The following UBE2E2 variants were observed in gnomAD, a reference collection of about 807,000 sequenced individuals.
UBE2E2 encodes the protein ubiquitin-conjugating enzyme E2 E2.
Under a neutral mutation model 24.7 loss-of-function variants are expected in UBE2E2, and 6 were observed. The ratio of observed to expected loss-of-function variants is 0.24; its 90% CI spans 0.13 to 0.48. The LOEUF is 0.48. UBE2E2 is among the 20% of genes least tolerant of loss of function. The probability of loss-of-function intolerance (pLI) is 0.99; values close to 1 mark genes in which losing one functional copy is unlikely to be tolerated. For synonymous variants in UBE2E2, 104 were observed against 83.6 expected, an observed-to-expected ratio of 1.24 and a Z score of -1.33; for missense variants, 169 against 245.0, an observed-to-expected ratio of 0.69 and a Z score of 2.07.
chr3:23,331,690 T>C (rs2125301319), intron 3 of UBE2E2, among the ~76,000 whole-genome samples: 1 of 151,960 alleles, frequency 6.6e-6, no homozygotes, highest in Middle Eastern at 3.4e-3. Context: ...TTAGAGTGAC[T>C]GGAGAGGAGT....
rs974651374 is a variant in UBE2E2 at position 23,299,648 on chromosome 3, G to A, written c.227+82336G>A. Among the ~76,000 whole-genome samples, 5 of 152,154 alleles carry A rather than the reference G, an allele frequency of 3.3e-5. 1 individual carries two copies. Among genetic ancestry groups the A allele is most frequent in the African/African-American group, 4.8e-5 (2 of 41,526 alleles). ...GTTTGATTGCACTGTGGTCTGAGAG[G>A]CAGTTTGTTGTAATTTCTGTTCTTT... On this transcript the variant is annotated intron_variant, in intron 3 of 5. Coordinates refer to ENST00000396703, the MANE Select transcript of UBE2E2 (RefSeq NM_152653.4).
rs1695911602 is a variant in UBE2E2, at chr3:23,560,890, C to T, written c.508+28189C>T. On this transcript the variant is annotated intron_variant, in intron 5 of 5. Coordinates refer to ENST00000396703, the MANE Select transcript of UBE2E2 (RefSeq NM_152653.4). ...TCTTTTGAGAAGTGTCTGTTCATAT[C>T]CTTTGCCCACTTTTTGATGGGGTTG... is the stretch of plus-strand genomic sequence containing the variant. Among the ~76,000 whole-genome samples the T allele has an allele frequency of 4.6e-5, 7 of 152,190 alleles. No homozygotes were observed. The South Asian group carries it at 1.5e-3, about 32-fold the overall frequency.
chr3:23,497,364 G>A (rs576212590), intron 3 of UBE2E2, among the ~76,000 whole-genome samples: 10 of 152,350 alleles, frequency 6.6e-5, no homozygotes, highest in African/African-American at 2.4e-4. Flanking sequence ...TTGCTGGAGA[G>A]ATGAACTGCT....
At chr3:23,368,589 C>G (rs1210435734) in intron 3 of UBE2E2, among the ~76,000 whole-genome samples, 1 of 151,940 alleles carries the variant, frequency 6.6e-6, no homozygotes, top group Non-Finnish European at 1.5e-5. Flanking sequence ...TGGAATAGCC[C>G]ACAGTTGTAG....
intron 3 of UBE2E2, among the ~76,000 whole-genome samples, chr3:23,418,963 T>TC (rs918191232): frequency 8.6e-5 from 13 of 151,624 alleles, no homozygotes; most frequent in African/African-American, 2.9e-4. Flanking sequence ...TTACTTTTTT[T>TC]TTTTTTTTGA....
At chr3:23,360,584 A>G (rs1696086967) in intron 3 of UBE2E2, among the ~76,000 whole-genome samples, 1 of 152,088 alleles carries the variant, frequency 6.6e-6, no homozygotes, top group Non-Finnish European at 1.5e-5. Context: ...TATGCGGGGG[A>G]CCTATCAGGA....
chr3:23,588,377 T>A (rs1227190846), intron 5 of UBE2E2, among the ~76,000 whole-genome samples: 2 of 151,646 alleles, frequency 1.3e-5, no homozygotes, highest in East Asian at 1.9e-4. Context: ...ACTTTTTTTT[T>A]AATTGCTTTG....
At chr3:23,442,014 T>C (rs1040000073) in intron 3 of UBE2E2, among the ~76,000 whole-genome samples, 1 of 152,224 alleles carries the variant, frequency 6.6e-6, no homozygotes, top group African/African-American at 2.4e-5. Flanking sequence ...GTTAGAAATT[T>C]AGATTTTAGT....
intron 3 of UBE2E2, among the ~76,000 whole-genome samples, chr3:23,220,902 G>A (rs999867797): frequency 1.1e-4 from 16 of 152,224 alleles, no homozygotes; most frequent in Non-Finnish European, 2.2e-4. Flanking sequence ...ATACTTCCTC[G>A]GTGCTAGTGG....
At chr3:23,452,698 C>T (rs1698591940) in intron 3 of UBE2E2, among the ~76,000 whole-genome samples, 1 of 152,068 alleles carries the variant, frequency 6.6e-6, no homozygotes, top group South Asian at 2.1e-4. Context: ...ACAACTTTAT[C>T]CCTGATGGGA....
Position 23,571,399 on chromosome 3 carries a change from C to T in UBE2E2, c.509-18335C>T, listed in dbSNP as rs921390560. On this transcript the variant is annotated intron_variant, in intron 5 of 5. Coordinates refer to ENST00000396703, the MANE Select transcript of UBE2E2 (RefSeq NM_152653.4). ...CCGTTTCCCAGGCTCAAGTGATTCT[C>T]CTGCCTCAGCCTCCCGAGTAGCCGG... 2.7e-5 allele frequency among the ~76,000 whole-genome samples: 4 copies of T among 149,376 alleles called. No homozygotes were observed. In the East Asian group the frequency reaches 6.1e-4, roughly 23 times the overall value.
intron 3 of UBE2E2, among the ~76,000 whole-genome samples, chr3:23,360,471 A>G (rs936103065): frequency 1.3e-5 from 2 of 152,234 alleles, no homozygotes; most frequent in African/African-American, 4.8e-5. Context: ...TCAAATAGAC[A>G]TAAGAAAATA....
intron 3 of UBE2E2, among the ~76,000 whole-genome samples, chr3:23,320,579 T>C (rs574858063): frequency 6.6e-6 from 1 of 152,306 alleles, no homozygotes; most frequent in African/African-American, 2.4e-5. Flanking sequence ...CATATAAAAA[T>C]AGAATCGTCT....
At chr3:23,581,502 A>G (rs1696477273) in intron 5 of UBE2E2, among the ~76,000 whole-genome samples, 2 of 152,326 alleles carry the variant, frequency 1.3e-5, no homozygotes, top group Admixed American at 6.5e-5. Flanking sequence ...CAATTTGTAT[A>G]TGCTTTACAA....
intron 5 of UBE2E2, among the ~76,000 whole-genome samples, chr3:23,542,227 G>T (rs756247534): frequency 6.6e-6 from 1 of 152,154 alleles, no homozygotes; most frequent in African/African-American, 2.4e-5. Context: ...ACTAGGGATG[G>T]TATATTTTAA....
At chr3:23,242,476 A>G (rs1697284885) in intron 3 of UBE2E2, among the ~76,000 whole-genome samples, 1 of 147,698 alleles carries the variant, frequency 6.8e-6, no homozygotes, top group African/African-American at 2.5e-5. Flanking sequence ...TTATGGAAAT[A>G]TGTTTTAAAT....
chr3:23,574,275 A>C lies in UBE2E2; in HGVS notation c.509-15459A>C, dbSNP rs142254103. Among the ~76,000 whole-genome samples, 789 of 152,288 alleles carry C rather than the reference A, an allele frequency of 5.2e-3. 22 individuals are homozygous for C. Among genetic ancestry groups the C allele is most frequent in the Admixed American group, 0.043 (665 of 15,300 alleles). The stretch of plus-strand genomic sequence containing the variant: ...GGAAGTGAGCACAGCTAATGGATAC[A>C]AACAGTTAGAAAGAATGAAAAAGAC... On this transcript the variant is annotated intron_variant, in intron 5 of 5. Coordinates refer to ENST00000396703, the MANE Select transcript of UBE2E2 (RefSeq NM_152653.4).
At chr3:23,403,556 C>T (rs1413866185) in intron 3 of UBE2E2, among the ~76,000 whole-genome samples, 1 of 152,200 alleles carries the variant, frequency 6.6e-6, no homozygotes, top group Admixed American at 6.5e-5. Context: ...CACAGTGGCT[C>T]ATGCCTGTAA....
At chr3:23,301,839 T>G (rs1699103961) in intron 3 of UBE2E2, among the ~76,000 whole-genome samples, 1 of 141,192 alleles carries the variant, frequency 7.1e-6, no homozygotes, top group East Asian at 1.9e-4. Flanking sequence ...TCACCAGTCT[T>G]CTGCGTGGCT....
Sources: allele counts gnomAD v4.1 joint callset (sites outside exome capture counted in the v4.1 genomes callset), GRCh38; gene constraint gnomAD v4.1.1; transcripts MANE v1.5; gene names NCBI Gene and HGNC (gene_info 2026-07-23, HGNC 2026-07-21).